CD300LD: variants seen among roughly 807,000 people sequenced by gnomAD.
The protein encoded by CD300LD is CD300 molecule like family member d, also known as CMRF35-like molecule 5.
Under a neutral mutation model 20.3 loss-of-function variants are expected in CD300LD, and 18 were observed. The observed-to-expected ratio is 0.89, with a 90% CI of 0.61 to 1.32. The LOEUF is 1.32. Among genes scored for constraint, CD300LD ranks in the 40% most tolerant of loss-of-function variants. CD300LD has a pLI of 0.00. For missense variants in CD300LD, 195 were observed against 226.6 expected, an observed-to-expected ratio of 0.86 and a Z score of 0.90; for synonymous variants, 104 against 90.1, an observed-to-expected ratio of 1.15 and a Z score of -0.87.
At chr17:74,591,746 A>T (rs2030323405) in intron 1 of CD300LD, among the ~76,000 whole-genome samples, 1 of 152,014 alleles carries the variant, frequency 6.6e-6, no homozygotes, top group African/African-American at 2.4e-5. Flanking sequence ...GCTACAACAC[A>T]AAGTAACCTT....
At chr17:74,588,874 G>A (rs760165367) in intron 1 of CD300LD, 25 bp from the exon 2 acceptor site, 133 of 1,555,676 alleles carry the variant, frequency 8.5e-5, no homozygotes, top group Middle Eastern at 1.7e-4. Context: ...TTCATGTGTC[G>A]TCACCTCCCA....
In CD300LD at chr17:74,589,747, C is replaced by T. The variant is rs543359714; in HGVS notation, c.41-898G>A. Among the ~76,000 whole-genome samples, 5 of 152,316 alleles carry T rather than the reference C, an allele frequency of 3.3e-5. No individual in the cohort carries two copies. In the East Asian group the frequency reaches 5.8e-4, roughly 18 times the overall value. On this transcript the variant is annotated intron_variant, in intron 1 of 3. Transcript: ENST00000375352. The stretch of plus-strand genomic sequence containing the variant: ...CTAAAGGGAGACCCATCTAAAGAAA[C>T]GATTGATTTTGATGATTTATGCACT...
Position 74,588,493 on chromosome 17 carries a change from A to G in CD300LD, c.379+18T>C, listed in dbSNP as rs2030221579. 4 of 1,550,162 alleles carry G rather than the reference A, an allele frequency of 2.6e-6. 1 individual carries two copies. The highest frequency in any genetic ancestry group is 2.4e-5 in the South Asian group (2 of 85,028). On this transcript the variant is annotated intron_variant, in intron 2 of 3. Transcript: ENST00000375352. ...AGCAGGACCTGAGAGACACACACGT[A>G]TATACACTCCCTCTTACCTGGGTTA...
intron 2 of CD300LD, 78 bp from the exon 3 acceptor site, chr17:74,582,389 C>T (rs575821206): frequency 8.4e-7 from 1 of 1,196,048 alleles, no homozygotes; most frequent in African/African-American, 1.5e-5. Context: ...GGCTTCTCCA[C>T]CTAGGAATTA....
rs1300213633 is a variant in CD300LD at position 74,579,921 on chromosome 17, T to C, written c.*81A>G. 4 of 783,588 alleles carry C rather than the reference T, an allele frequency of 5.1e-6. No homozygotes were observed. The African/African-American group carries it at 7.0e-5, about 14-fold the overall frequency. 48.5% of individuals were successfully genotyped at this position (783,588 alleles called of 1,614,324 possible). ...AAAGAAGAGAAAAGAAAATGTTTTT[T>C]CTTCTGTGGGAGGGCCTTTCGCCCT... On this transcript the variant is annotated 3_prime_UTR_variant, in exon 4 of 4. Coordinates refer to ENST00000375352, the MANE Select transcript of CD300LD (RefSeq NM_001115152.2).
At chr17:74,580,421 TA>T (rs2030008151) in intron 3 of CD300LD, among the ~76,000 whole-genome samples, 1 of 152,252 alleles carries the variant, frequency 6.6e-6, no homozygotes, top group Non-Finnish European at 1.5e-5. Flanking sequence ...TCCCTGTCTC[TA>T]CTTACCTCGG....
chr17:74,582,034 T>C (rs1051246578), intron 3 of CD300LD, among the ~76,000 whole-genome samples, 184 bp downstream of exon 3: 1 of 152,246 alleles, frequency 6.6e-6, no homozygotes, highest in Non-Finnish European at 1.5e-5. Flanking sequence ...AAACAACATA[T>C]GCTTTTTTAG....
chr17:74,592,092 G>A (rs1178556230), intron 1 of CD300LD, 71 bp downstream of exon 1: 1 of 1,613,678 alleles, frequency 6.2e-7, no homozygotes, highest in African/African-American at 1.3e-5. Flanking sequence ...TCTCCTTCCT[G>A]AGAACAGAGC....
intron 2 of CD300LD, among the ~76,000 whole-genome samples, chr17:74,585,925 G>A (rs1184835015): frequency 6.6e-6 from 1 of 152,116 alleles, no homozygotes; most frequent in Non-Finnish European, 1.5e-5. Context: ...ACATCACATG[G>A]CACTCCCAGA....
In CD300LD at chr17:74,579,961, T is replaced by C; in HGVS notation, c.*41A>G. ...CCTTTCGCCCTGGACAGGACGTCAA[T>C]GGGCATTGGGACTCTCATCATCGGG... On this transcript the variant is annotated 3_prime_UTR_variant, in exon 4 of 4. Transcript: ENST00000375352. 2 of 1,264,548 alleles carry C rather than the reference T, an allele frequency of 1.6e-6. 1 individual carries two copies. Among genetic ancestry groups the C allele is most frequent in the African/African-American group, 2.9e-5 (2 of 68,148 alleles). The allele number at this position is 1,264,548 out of a possible 1,614,324, so 78.3% of individuals were successfully genotyped here. A position where few individuals can be genotyped will look rare whatever the true frequency, so the allele number is the denominator to read the frequency against.
At chr17:74,580,353 G>A (rs994404848) in intron 3 of CD300LD, among the ~76,000 whole-genome samples, 11 of 152,124 alleles carry the variant, frequency 7.2e-5, no homozygotes, top group Non-Finnish European at 1.0e-4. Flanking sequence ...ACTCCCATCC[G>A]GCCTTTTTGG....
intron 3 of CD300LD, among the ~76,000 whole-genome samples, chr17:74,580,700 C>A (rs929855229): frequency 2.6e-5 from 4 of 152,110 alleles, no homozygotes; most frequent in Admixed American, 2.6e-4. Context: ...AGGGTCTCGA[C>A]CTCCCAACTT....
At chr17:74,579,173 G>A (rs2029978473), downstream of CD300LD, among the ~76,000 whole-genome samples, 2 of 152,230 alleles carry the variant, frequency 1.3e-5, no homozygotes, top group South Asian at 4.1e-4. Context: ...AGCTGGCACG[G>A]CAGCCCGGAA....
At chr17:74,592,135 A>C (rs758732182) in intron 1 of CD300LD, 28 bp downstream of exon 1, 1 of 1,614,184 alleles carries the variant, frequency 6.2e-7, no homozygotes. Context: ...CTGTCATTCC[A>C]GTGCCTTAAA....
chr17:74,588,939 G>T, intron 1 of CD300LD, 90 bp from the exon 2 acceptor site: 1 of 838,908 alleles, frequency 1.2e-6, no homozygotes, highest in Non-Finnish European at 1.9e-6. Flanking sequence ...AAATCCAACT[G>T]CCTTATAACA....
Position 74,579,755 on chromosome 17 carries a change from T to G in CD300LD, c.*247A>C, listed in dbSNP as rs984252345. ...TAAAAATTAGCTGGGGGTGGTGGCATGTGCCTGTAGCCCCAGCTACTCTGG... is the reference window on the plus strand; with the variant it reads ...TAAAAATTAGCTGGGGGTGGTGGCAGGTGCCTGTAGCCCCAGCTACTCTGG... On this transcript the variant is annotated 3_prime_UTR_variant, in exon 4 of 4. Coordinates refer to ENST00000375352, the MANE Select transcript of CD300LD (RefSeq NM_001115152.2). 1.5e-5 allele frequency: 4 copies of G among 260,090 alleles called. No individual in the cohort carries two copies. The highest frequency in any genetic ancestry group is 6.7e-5 in the African/African-American group (3 of 44,894). The allele number at this position is 260,090 out of a possible 1,614,324, so 16.1% of individuals were successfully genotyped here.
At position 74,588,650 on chromosome 17, in the gene CD300LD, G is replaced by A. The variant is rs1334883154; in HGVS notation, c.240C>T (p.Ser80=). The part of the protein sequence containing the change: ...SEQEVKKNRV[S]IRDNQKNHVF... ...CGTGGTTTTTCTGATTGTCCCTGATGGAAACTCGATTCTTCTTTACCTCCT... is the reference window on the plus strand; with the variant it reads ...CGTGGTTTTTCTGATTGTCCCTGATAGAAACTCGATTCTTCTTTACCTCCT... Residue 80 remains serine (S), a synonymous_variant, in exon 2 of 4, where the codon TCC becomes TCT. Transcript: ENST00000375352. The A allele has an allele frequency of 1.9e-6, 3 of 1,613,974 alleles. No homozygotes were observed. In the Admixed American group the frequency reaches 5.0e-5, roughly 27 times the overall value.
chr17:74,587,417 T>C (rs908761382), intron 2 of CD300LD, among the ~76,000 whole-genome samples: 49 of 152,230 alleles, frequency 3.2e-4, no homozygotes, highest in African/African-American at 1.2e-3. Context: ...ATAAAATCTG[T>C]TGTAATGTTA....
intron 2 of CD300LD, among the ~76,000 whole-genome samples, chr17:74,584,134 C>A (rs1283917048): frequency 6.6e-6 from 1 of 152,130 alleles, no homozygotes; most frequent in African/African-American, 2.4e-5. Context: ...CTGCTATGAA[C>A]ATTCACATAC....
Sources: gnomAD v4.1 joint callset for allele counts (sites outside exome capture counted in the v4.1 genomes callset) on GRCh38, gnomAD v4.1.1 for gene constraint, MANE v1.5 for transcripts, NCBI Gene and HGNC (gene_info 2026-07-23, HGNC 2026-07-21) for gene names.